Variants in RTN4RL1 observed in about 807,000 individuals in gnomAD.
The protein encoded by RTN4RL1 is reticulon 4 receptor like 1.
Under a neutral mutation model 25.6 loss-of-function variants are expected in RTN4RL1, and 7 were observed. The ratio of observed to expected loss-of-function variants is 0.27; its 90% confidence interval spans 0.16 to 0.51. RTN4RL1 has a LOEUF of 0.51. Ranked by LOEUF, RTN4RL1 falls within the 20% of genes least tolerant of loss-of-function variation. RTN4RL1 has a pLI of 0.97. For synonymous variants in RTN4RL1, 297 were observed against 288.2 expected (o/e 1.03, Z -0.31); for missense variants, 500 against 615.6 (o/e 0.81, Z 1.99).
intron 1 of RTN4RL1, among the ~76,000 whole-genome samples, chr17:1,949,772 C>T (rs1259586023): frequency 6.6e-6 from 1 of 152,202 alleles, no homozygotes; most frequent in Non-Finnish European, 1.5e-5. Flanking sequence ...CCCCAAATGA[C>T]GGATCATGGT....
chr17:1,997,377 C>T (rs186259275), intron 1 of RTN4RL1, among the ~76,000 whole-genome samples: 27 of 152,340 alleles, frequency 1.8e-4, no homozygotes, highest in Non-Finnish European at 3.4e-4. Flanking sequence ...TGGCTCCTCT[C>T]CCGGCCAAGT....
At chr17:2,002,355 C>T (rs896532221) in intron 1 of RTN4RL1, among the ~76,000 whole-genome samples, 30 of 150,242 alleles carry the variant, frequency 2.0e-4, no homozygotes, top group South Asian at 8.5e-4. Flanking sequence ...TGCAGTGGCG[C>T]GATCTCGGCT....
At chr17:1,943,504 A>T (rs1269167048) in intron 1 of RTN4RL1, among the ~76,000 whole-genome samples, 9 of 151,980 alleles carry the variant, frequency 5.9e-5, no homozygotes, top group African/African-American at 2.2e-4. Context: ...GACCGGTAAG[A>T]TCCCTCTGGC....
chr17:1,991,118 G>C (rs1024449946), intron 1 of RTN4RL1, among the ~76,000 whole-genome samples: 1 of 152,142 alleles, frequency 6.6e-6, no homozygotes, highest in Non-Finnish European at 1.5e-5. Flanking sequence ...AACATTTATC[G>C]AGCATCTCAG....
intron 1 of RTN4RL1, among the ~76,000 whole-genome samples, chr17:1,969,839 ACT>A (rs924031349): frequency 2.6e-5 from 4 of 151,830 alleles, no homozygotes; most frequent in African/African-American, 9.7e-5. Flanking sequence ...TGATCTCATG[ACT>A]CTGTGGGTCA....
chr17:1,977,733 ACCC>A, intron 1 of RTN4RL1, among the ~76,000 whole-genome samples: 1 of 150,354 alleles, frequency 6.7e-6, no homozygotes. Context: ...CAGATTAAAA[ACCC>A]CATCCCGGCC....
intron 1 of RTN4RL1, among the ~76,000 whole-genome samples, chr17:1,953,169 C>A (rs921668768): frequency 6.6e-6 from 1 of 151,892 alleles, no homozygotes; most frequent in South Asian, 2.1e-4. Flanking sequence ...GCACTTTGGG[C>A]GGCAAAGATG....
intron 1 of RTN4RL1, among the ~76,000 whole-genome samples, chr17:1,993,758 T>C (rs939320231): frequency 1.3e-4 from 19 of 151,846 alleles, no homozygotes; most frequent in African/African-American, 4.6e-4. Flanking sequence ...CTCAGTTGGT[T>C]AGGGTGCCAT....
At chr17:1,979,042 G>A (rs1335933093) in intron 1 of RTN4RL1, among the ~76,000 whole-genome samples, 1 of 152,230 alleles carries the variant, frequency 6.6e-6, no homozygotes, top group African/African-American at 2.4e-5. Context: ...GGACGCCTAG[G>A]CGAGTGCATC....
chr17:2,015,322 C>A (rs971902287), intron 1 of RTN4RL1, among the ~76,000 whole-genome samples: 2 of 152,068 alleles, frequency 1.3e-5, no homozygotes, highest in Non-Finnish European at 2.9e-5. Context: ...GTTTGAGAGG[C>A]CTTTGAGGCC....
chr17:1,935,676 T>C lies in RTN4RL1; in HGVS notation c.*820A>G. The C allele has an allele frequency of 4.2e-6, 4 of 961,988 alleles. No homozygotes were observed. The highest frequency in any genetic ancestry group is 4.9e-6 in the Non-Finnish European group (4 of 816,434). 59.6% of individuals were successfully genotyped at this position (961,988 alleles called of 1,614,324 possible). A position where few individuals can be genotyped will look rare whatever the true frequency, so the allele number is the denominator to read the frequency against. On this transcript the variant is annotated 3_prime_UTR_variant, in exon 2 of 2. Coordinates refer to ENST00000331238, the MANE Select transcript of RTN4RL1 (RefSeq NM_178568.4). ...TTATAAACATGAAAAGACGTACAGT[T>C]AGGTAACGGAGTGGGAGGGGGACTG... is the stretch of plus-strand genomic sequence containing the variant.
At chr17:1,942,276 C>G (rs561306582) in intron 1 of RTN4RL1, among the ~76,000 whole-genome samples, 2 of 152,304 alleles carry the variant, frequency 1.3e-5, no homozygotes, top group South Asian at 4.1e-4. Context: ...ATCTCTGAGG[C>G]CTCATTCATT....
In RTN4RL1 at chr17:1,936,797, G is replaced by A. The variant is rs774885649; in HGVS notation, c.1025C>T (p.Pro342Leu). ...PHGPTRSKGH[P>L]HGPRPGHRKP... is the part of the protein sequence containing the mutation. ...CCTGTGGCCGGGCCGGGGGCCGTGC[G>A]GGTGGCCCTTGCTCCTGGTGGGGCC... Residue 342 changes from proline to leucine, a missense_variant, in exon 2 of 2, where the codon CCG (proline) becomes CTG (leucine). This residue lies in a region of RTN4RL1 where 268 missense variants were observed against 274.5 expected (regional missense o/e 0.98). Transcript: ENST00000331238. 61 of 1,585,792 alleles carry A rather than the reference G, an allele frequency of 3.8e-5. No individual in the cohort carries two copies. The highest frequency in any genetic ancestry group is 4.9e-5 in the Non-Finnish European group (57 of 1,168,016).
chr17:1,941,447 G>T (rs577524008), intron 1 of RTN4RL1, among the ~76,000 whole-genome samples: 12 of 152,076 alleles, frequency 7.9e-5, no homozygotes, highest in Non-Finnish European at 1.5e-4. Flanking sequence ...TCCAGGCTTG[G>T]TGCAGGGCCT....
At chr17:1,971,961 C>CAAA (rs1323277246) in intron 1 of RTN4RL1, among the ~76,000 whole-genome samples, 6 of 59,868 alleles carry the variant, frequency 1.0e-4, no homozygotes, top group Admixed American at 1.8e-4. Flanking sequence ...GACTCCCTCT[C>CAAA]AAAAAAAAAA....
At chr17:1,986,197 T>C (rs7209646) in intron 1 of RTN4RL1, among the ~76,000 whole-genome samples, 2,394 of 152,164 alleles carry the variant, frequency 0.016, 63 homozygotes, top group African/African-American at 0.054. Context: ...ATCTCTTGAG[T>C]GCTTACCAAG....
At chr17:1,958,634 C>T (rs139812376) in intron 1 of RTN4RL1, among the ~76,000 whole-genome samples, 2 of 152,330 alleles carry the variant, frequency 1.3e-5, no homozygotes, top group African/African-American at 2.4e-5. Flanking sequence ...GACTAGTAAC[C>T]CCAGGGGATA....
At chr17:1,952,263 G>A (rs1419763852) in intron 1 of RTN4RL1, among the ~76,000 whole-genome samples, 1 of 151,868 alleles carries the variant, frequency 6.6e-6, no homozygotes, top group Non-Finnish European at 1.5e-5. Context: ...CACGCTGCAT[G>A]ACGTTTTGCC....
chr17:2,024,179 G>A (rs920709190), intron 1 of RTN4RL1, among the ~76,000 whole-genome samples: 5 of 152,254 alleles, frequency 3.3e-5, no homozygotes, highest in Middle Eastern at 3.4e-3. Flanking sequence ...TGGTCGCGAA[G>A]CCAGCTGTCC....
Sources: gnomAD v4.1 joint callset for allele counts (sites outside exome capture counted in the v4.1 genomes callset) on GRCh38, gnomAD v4.1.1 for gene constraint, gnomAD v4.1.1 regional missense constraint, MANE v1.5 for transcripts, NCBI Gene and HGNC (gene_info 2026-07-23, HGNC 2026-07-21) for gene names.